Variants in SLC30A8 observed in about 807,000 individuals in gnomAD.
SLC30A8 encodes the protein proton-coupled zinc antiporter SLC30A8.
A neutral mutation model predicts 36.9 loss-of-function variants in SLC30A8; 27 were observed. That is an observed-to-expected ratio of 0.73 (90% confidence interval 0.54 to 1.01). The LOEUF is 1.01. Among genes scored for constraint, SLC30A8 ranks in the 50% least tolerant of loss-of-function variants. The probability of loss-of-function intolerance (pLI) is 0.00; values close to 1 mark genes in which losing one functional copy is unlikely to be tolerated. For missense variants in SLC30A8, 439 were observed against 452.0 expected, an observed-to-expected ratio of 0.97 and a Z score of 0.26; for synonymous variants, 164 against 172.4, an observed-to-expected ratio of 0.95 and a Z score of 0.38.
chr8:117,088,445 G>A (rs1818966643), intron 2 of SLC30A8, among the ~76,000 whole-genome samples: 2 of 152,100 alleles, frequency 1.3e-5, no homozygotes, highest in Non-Finnish European at 2.9e-5. Flanking sequence ...TTCCAACCAT[G>A]CACATTAATA....
Position 116,972,103 on chromosome 8 carries a change from G to C in SLC30A8, c.-266+20984G>C, listed in dbSNP as rs558556641. On this transcript the variant is annotated intron_variant, in intron 1 of 10. Coordinates refer to the SLC30A8 transcript ENST00000427715. Reference sequence around the variant, plus strand: ...AGCCCTACCAAGTGGAAAAGAACCAGTTATGTAATACCTTTGTTCAAAAAT... The same window carrying C: ...AGCCCTACCAAGTGGAAAAGAACCACTTATGTAATACCTTTGTTCAAAAAT... Among the ~76,000 whole-genome samples the C allele has an allele frequency of 8.5e-5, 13 of 152,310 alleles. No homozygotes were observed. In the South Asian group the frequency reaches 2.7e-3, roughly 32 times the overall value.
chr8:117,009,941 A>G (rs1425297875), intron 1 of SLC30A8, among the ~76,000 whole-genome samples: 1 of 152,208 alleles, frequency 6.6e-6, no homozygotes. Context: ...GAAGCAGGCA[A>G]AGCCAACGCA....
At chr8:117,131,904 C>T (rs575549336), upstream of SLC30A8, among the ~76,000 whole-genome samples, 5 of 152,072 alleles carry the variant, frequency 3.3e-5, no homozygotes, top group South Asian at 1.0e-3. Context: ...AGTGGTCAGG[C>T]AACTTGTTCA....
intron 1 of SLC30A8, among the ~76,000 whole-genome samples, chr8:117,027,650 C>T (rs1427060940): frequency 2.0e-5 from 3 of 152,098 alleles, no homozygotes; most frequent in Non-Finnish European, 2.9e-5. Flanking sequence ...CTAGGCAGGA[C>T]CCTGAGTTGG....
chr8:117,039,809 G>C (rs1817324439), intron 2 of SLC30A8, among the ~76,000 whole-genome samples: 1 of 152,222 alleles, frequency 6.6e-6, no homozygotes, highest in African/African-American at 2.4e-5. Context: ...GTAGAAAGTA[G>C]ATACATTTAT....
chr8:117,000,288 T>C (rs891927422), intron 1 of SLC30A8, among the ~76,000 whole-genome samples: 3 of 152,170 alleles, frequency 2.0e-5, no homozygotes, highest in African/African-American at 7.2e-5. Flanking sequence ...CCGAGTTGTC[T>C]GGACCTGGGC....
At chr8:117,131,386 T>C (rs1314947258), upstream of SLC30A8, among the ~76,000 whole-genome samples, 1 of 152,008 alleles carries the variant, frequency 6.6e-6, no homozygotes, top group Non-Finnish European at 1.5e-5. Flanking sequence ...ATCTTTATAG[T>C]TATGTGAGAA....
chr8:117,096,269 G>A (rs577059809), intron 2 of SLC30A8, among the ~76,000 whole-genome samples: 101 of 152,310 alleles, frequency 6.6e-4, no homozygotes, highest in African/African-American at 2.3e-3. Flanking sequence ...ATCCATGTAT[G>A]TGGTAAACAT....
At chr8:117,083,414 G>A (rs1818740238) in intron 2 of SLC30A8, among the ~76,000 whole-genome samples, 1 of 152,090 alleles carries the variant, frequency 6.6e-6, no homozygotes, top group African/African-American at 2.4e-5. Context: ...GGTTGATAAG[G>A]GATAATAAAG....
chr8:117,053,572 T>C (rs1012897817), intron 2 of SLC30A8, among the ~76,000 whole-genome samples: 3 of 152,174 alleles, frequency 2.0e-5, no homozygotes, highest in Non-Finnish European at 4.4e-5. Flanking sequence ...ATGTCTATTA[T>C]AATAGTCTTT....
chr8:116,954,558 T>G (rs763624217), intron 1 of SLC30A8, among the ~76,000 whole-genome samples: 2 of 152,122 alleles, frequency 1.3e-5, no homozygotes, highest in Admixed American at 6.5e-5. Flanking sequence ...CTTTTAAATT[T>G]AGTGACATAA....
chr8:117,086,279 C>T (rs1182952175), intron 2 of SLC30A8, among the ~76,000 whole-genome samples: 1 of 152,136 alleles, frequency 6.6e-6, no homozygotes, highest in East Asian at 1.9e-4. Flanking sequence ...TAGGGCTCCA[C>T]TTCAAAATGA....
At chr8:117,013,269 G>A (rs1816404051) in intron 1 of SLC30A8, among the ~76,000 whole-genome samples, 2 of 152,142 alleles carry the variant, frequency 1.3e-5, no homozygotes, top group African/African-American at 4.8e-5. Context: ...TCATCTTTTT[G>A]TGAATTTTGC....
chr8:117,046,099 AG>A (rs1482138913), intron 2 of SLC30A8, among the ~76,000 whole-genome samples: 4 of 152,284 alleles, frequency 2.6e-5, no homozygotes, highest in Admixed American at 2.6e-4. Flanking sequence ...CGAGTCATGA[AG>A]GGCAGGATCA....
chr8:117,139,369 G>A (rs1311747237), intron 1 of SLC30A8, among the ~76,000 whole-genome samples: 5 of 152,034 alleles, frequency 3.3e-5, no homozygotes, highest in African/African-American at 1.2e-4. Context: ...CTTTTTGGGT[G>A]CACACACTAA....
intron 2 of SLC30A8, among the ~76,000 whole-genome samples, chr8:117,081,288 T>C (rs1026757032): frequency 1.9e-4 from 29 of 152,282 alleles, no homozygotes; most frequent in Admixed American, 6.5e-4. Flanking sequence ...ACAGAAATAT[T>C]ACAGCTCTGG....
In SLC30A8 at chr8:117,123,435, A is replaced by G. The variant is rs115811201; in HGVS notation, c.-225-11845A>G. ...GAAGGAATCTTTAAATGTAGCATTA[A>G]TTAGAAACCTGAACTAATTTCATTA... On this transcript the variant is annotated intron_variant, in intron 2 of 10. Transcript: ENST00000427715. Among the ~76,000 whole-genome samples the G allele has an allele frequency of 2.9e-3, 448 of 152,184 alleles. 5 individuals carry two copies. Among genetic ancestry groups the G allele is most frequent in the African/African-American group, 0.01 (417 of 41,564 alleles).
intron 2 of SLC30A8, among the ~76,000 whole-genome samples, chr8:117,060,006 G>A (rs1303953374): frequency 6.6e-6 from 1 of 152,066 alleles, no homozygotes; most frequent in Non-Finnish European, 1.5e-5. Flanking sequence ...GACTGGATGT[G>A]GGAGTTGAAG....
At chr8:117,047,389 C>T (rs1563567445) in intron 2 of SLC30A8, among the ~76,000 whole-genome samples, 1 of 152,130 alleles carries the variant, frequency 6.6e-6, no homozygotes, top group African/African-American at 2.4e-5. Flanking sequence ...AGCTCTATCC[C>T]TAATTCTTCC....
Sources: allele counts gnomAD v4.1 joint callset (sites outside exome capture counted in the v4.1 genomes callset), GRCh38; gene constraint gnomAD v4.1.1; transcripts MANE v1.5; gene names NCBI Gene and HGNC (gene_info 2026-07-23, HGNC 2026-07-21).